COG1: variants seen among roughly 807,000 people sequenced by gnomAD.
COG1 encodes component of oligomeric golgi complex 1.
In COG1, 61 loss-of-function variants were observed where a neutral mutation model predicts 102.2. That is an observed-to-expected ratio of 0.60 (90% CI 0.49 to 0.74). The LOEUF (loss-of-function observed/expected upper bound fraction) is 0.74, where lower values mean the gene tolerates loss of function less well. COG1 is among the 30% of genes least tolerant of loss of function. The pLI is 0.00. For synonymous variants in COG1, 454 were observed against 493.6 expected, an observed-to-expected ratio of 0.92 and a Z score of 1.06; for missense variants, 1,164 against 1,232.1, an observed-to-expected ratio of 0.94 and a Z score of 0.83.
At chr17:73,205,735 T>G in intron 10 of COG1, 55 bp downstream of exon 10, 1 of 1,607,964 alleles carries the variant, frequency 6.2e-7, no homozygotes, top group Non-Finnish European at 8.5e-7. Context: ...AAGCAAATAG[T>G]CCCTTTGCTG....
At chr17:73,199,660 G>A (rs1318002165) in intron 4 of COG1, among the ~76,000 whole-genome samples, 3 of 152,000 alleles carry the variant, frequency 2.0e-5, no homozygotes, top group African/African-American at 4.8e-5. Context: ...CTGCAGCCTC[G>A]ACCTCCTGGG....
At chr17:73,205,401 T>C in intron 9 of COG1, 152 bp from the exon 10 acceptor site, 1 of 794,028 alleles carries the variant, frequency 1.3e-6, no homozygotes, top group Non-Finnish European at 2.1e-6. Context: ...AAATTTGTTT[T>C]GTTGTTGTGA....
intron 13 of COG1, 161 bp from the exon 14 acceptor site, chr17:73,208,153 T>C: frequency 6.6e-7 from 1 of 1,521,102 alleles, no homozygotes; most frequent in Non-Finnish European, 8.8e-7. Context: ...CCGTGTCCTC[T>C]TCAAATCTGG....
Position 73,205,536 on chromosome 17 carries a change from T to C in COG1, c.2383-17T>C, listed in dbSNP as rs3829571. ...GTCCTCTCTCTTCATGGGTGGGGAC[T>C]GGGAATTCATTTGCAGAAAGAAGGT... On this transcript the variant is annotated splice_polypyrimidine_tract_variant and intron_variant, in intron 9 of 13. Coordinates refer to ENST00000299886, the MANE Select transcript of COG1 (RefSeq NM_018714.3). The C allele has an allele frequency of 0.97, 1,563,342 of 1,613,920 alleles. 759,822 individuals are homozygous for C. Among genetic ancestry groups the C allele is most frequent in the Non-Finnish European group, 0.99 (1,170,203 of 1,179,948 alleles).
intron 4 of COG1, among the ~76,000 whole-genome samples, chr17:73,199,069 G>T (rs1382637473): frequency 6.6e-6 from 1 of 152,206 alleles, no homozygotes; most frequent in Non-Finnish European, 1.5e-5. Flanking sequence ...AGCAGTACAA[G>T]GGGCCTTGGG....
intron 1 of COG1, among the ~76,000 whole-genome samples, chr17:73,194,357 G>T (rs1343174328): frequency 1.4e-5 from 2 of 141,386 alleles, no homozygotes; most frequent in Non-Finnish European, 3.1e-5. Context: ...CAGGAGAATG[G>T]CATGAACCCG....
rs576370716 is a variant in COG1 at position 73,208,419 on chromosome 17, A to C, written c.2911A>C (p.Lys971Gln). 1 of 1,614,210 alleles carries C rather than the reference A, an allele frequency of 6.2e-7. No individual in the cohort carries two copies. Among genetic ancestry groups the C allele is most frequent in the Admixed American group, 1.7e-5 (1 of 60,026 alleles). The change falls in exon 14 of 14, where the codon AAA becomes CAA. Residue 971 changes from lysine to glutamine, a missense_variant. Coordinates refer to ENST00000299886, the MANE Select transcript of COG1 (RefSeq NM_018714.3). ...EDNTSAPSLF[K>Q]LGWLSSMTK Reference sequence around the variant, plus strand: ...CAACACGTCTGCACCTTCATTATTCAAACTTGGCTGGCTCTCTAGTATGAC... The same window carrying C: ...CAACACGTCTGCACCTTCATTATTCCAACTTGGCTGGCTCTCTAGTATGAC...
At chr17:73,193,770 T>C (rs2061312781) in intron 1 of COG1, among the ~76,000 whole-genome samples, 2 of 152,292 alleles carry the variant, frequency 1.3e-5, no homozygotes, top group East Asian at 3.9e-4. Context: ...TTCTCCCCTA[T>C]GTTGACACCT....
chr17:73,206,426 A>C (rs1041693204), intron 11 of COG1, among the ~76,000 whole-genome samples, 164 bp downstream of exon 11: 17 of 152,150 alleles, frequency 1.1e-4, no homozygotes, highest in Non-Finnish European at 2.2e-4. Flanking sequence ...ATTAGATAAA[A>C]TCTCACACAC....
chr17:73,208,036 G>A, intron 13 of COG1: 1 of 1,346,564 alleles, frequency 7.4e-7, no homozygotes, highest in South Asian at 1.5e-5. Context: ...TTTCAGTTCT[G>A]CCCACATTAG....
At chr17:73,205,324 G>C (rs2061364089) in intron 9 of COG1, 1 of 536,408 alleles carries the variant, frequency 1.9e-6, no homozygotes, top group African/African-American at 1.9e-5. Context: ...AGCATCTGAG[G>C]CCTTTTTTAA....
chr17:73,207,762 G>A (rs921266073), intron 13 of COG1: 11 of 1,289,892 alleles, frequency 8.5e-6, no homozygotes, highest in African/African-American at 3.0e-5. Flanking sequence ...TGTGCTGTGT[G>A]CATGTGTGTT....
chr17:73,207,830 C>T, intron 13 of COG1: 1 of 1,278,758 alleles, frequency 7.8e-7, no homozygotes, highest in Non-Finnish European at 1.0e-6. Flanking sequence ...TATTGTTAGA[C>T]ACAATATTAG....
rs1383567309 is a variant in COG1 at position 73,194,458 on chromosome 17, AG to A, written c.315+1075del. On this transcript the variant is annotated intron_variant, in intron 1 of 13. Transcript: ENST00000299886. Reference sequence around the variant, plus strand: ...CTCTGTCTCAAAAAAAAAAAAAAAAAGAATTTTTATTTCTTTATTTTTTGAG... The same window carrying A: ...CTCTGTCTCAAAAAAAAAAAAAAAAAAATTTTTATTTCTTTATTTTTTGAG... 2.1e-4 allele frequency among the ~76,000 whole-genome samples: 29 copies of A among 135,096 alleles called. 1 individual carries two copies. The highest frequency in any genetic ancestry group is 7.9e-4 in the African/African-American group (29 of 36,634). The allele number at this position is 135,096 out of a possible 152,430, so 88.6% of individuals were successfully genotyped here.
At chr17:73,193,546 G>A (rs949225383) in intron 1 of COG1, among the ~76,000 whole-genome samples, 162 bp downstream of exon 1, 5 of 152,100 alleles carry the variant, frequency 3.3e-5, no homozygotes, top group African/African-American at 4.8e-5. Flanking sequence ...CCCCTCAGAG[G>A]ACAGTGCCAG....
Position 73,206,700 on chromosome 17 carries a change from T to C in COG1, c.2620-8T>C. ...AATGAAACCTCTGCTCCACCTCTTG[T>C]CTGCCAGGTTCTGTTTGGATTGGTG... On this transcript the variant is annotated splice_polypyrimidine_tract_variant and splice_region_variant and intron_variant, in intron 11 of 13. Transcript: ENST00000299886. The C allele has an allele frequency of 6.3e-7, 1 of 1,599,742 alleles. No homozygotes were observed. Among genetic ancestry groups the C allele is most frequent in the Non-Finnish European group, 8.6e-7 (1 of 1,167,898 alleles).
chr17:73,196,274 C>T (rs1296306448), intron 1 of COG1, among the ~76,000 whole-genome samples: 4 of 152,120 alleles, frequency 2.6e-5, no homozygotes, highest in African/African-American at 7.2e-5. Flanking sequence ...TTTGCCTCTT[C>T]GTGGGGCTGA....
rs2061353757 is a variant in COG1, at chr17:73,203,106, C to G, written c.2180C>G (p.Ser727Cys). 1 of 1,614,208 alleles carries G rather than the reference C, an allele frequency of 6.2e-7. No individual in the cohort carries two copies. Among genetic ancestry groups the G allele is most frequent in the African/African-American group, 1.3e-5 (1 of 75,052 alleles). ...CTAGAAATTCAGGAGGAGGCAGAGT[C>G]TGGCAGCAGTGTCACATCCAAGATC... is the stretch of plus-strand genomic sequence containing the variant. Reference protein sequence around the residue: ...DELEIQEEAESGSSVTSKIRL... With the variant: ...DELEIQEEAECGSSVTSKIRL... The change falls in exon 8 of 14, where the codon TCT (serine) becomes TGT (cysteine). Residue 727 changes from serine (S) to cysteine (C), a missense_variant. Coordinates refer to ENST00000299886, the MANE Select transcript of COG1 (RefSeq NM_018714.3).
Position 73,208,361 on chromosome 17 carries a change from C to G in COG1, c.2853C>G (p.Gly951=). 1 of 1,614,178 alleles carries G rather than the reference C, an allele frequency of 6.2e-7. No individual in the cohort carries two copies. Among genetic ancestry groups the G allele is most frequent in the South Asian group, 1.1e-5 (1 of 91,082 alleles). ...CAGCTGGTGACCCGACAGTTCCTGGCTCCTTGTTCAGACAGCTTGTCAGTG... is the reference window on the plus strand; with the variant it reads ...CAGCTGGTGACCCGACAGTTCCTGGGTCCTTGTTCAGACAGCTTGTCAGTG... ...RSTAGDPTVP[G]SLFRQLVSEE... is the part of the protein sequence containing the mutation. The change falls in exon 14 of 14, where the codon GGC becomes GGG. Residue 951 remains glycine, a synonymous_variant. Coordinates refer to ENST00000299886, the MANE Select transcript of COG1 (RefSeq NM_018714.3).
Sources: gnomAD v4.1 joint callset for allele counts (sites outside exome capture counted in the v4.1 genomes callset) on GRCh38, gnomAD v4.1.1 for gene constraint, MANE v1.5 for transcripts, NCBI Gene and HGNC (gene_info 2026-07-23, HGNC 2026-07-21) for gene names.